Variants in ROBO2 observed in about 807,000 individuals in gnomAD.
The protein encoded by ROBO2 is roundabout homolog 2.
Under a neutral mutation model 160.8 loss-of-function variants are expected in ROBO2, and 53 were observed. The ratio of observed to expected loss-of-function variants is 0.33; its 90% CI spans 0.26 to 0.41. ROBO2 has a LOEUF of 0.41. Ranked by LOEUF, ROBO2 falls within the 10% of genes least tolerant of loss-of-function variation. The pLI, the probability that ROBO2 is intolerant of heterozygous loss-of-function variation, is 1.00. For missense variants in ROBO2, 1,577 were observed against 1,722.4 expected, an observed-to-expected ratio of 0.92 and a Z score of 1.49; for synonymous variants, 664 against 611.7, an observed-to-expected ratio of 1.09 and a Z score of -1.26.
chr3:77,566,125 C>T (rs1188653751), intron 12 of ROBO2, among the ~76,000 whole-genome samples: 3 of 151,972 alleles, frequency 2.0e-5, no homozygotes, highest in Non-Finnish European at 2.9e-5. Context: ...ATTATAATTA[C>T]AATGTAGTTC....
intron 24 of ROBO2, among the ~76,000 whole-genome samples, chr3:77,640,435 C>G (rs1257826085): frequency 6.6e-6 from 1 of 152,144 alleles, no homozygotes; most frequent in Non-Finnish European, 1.5e-5. Flanking sequence ...ATAGGATGAT[C>G]TAGAGCTGAG....
chr3:76,726,300 T>C (rs1376196154), intron 2 of ROBO2, among the ~76,000 whole-genome samples: 1 of 152,154 alleles, frequency 6.6e-6, no homozygotes, highest in South Asian at 2.1e-4. Context: ...TTGTTCTCCA[T>C]ACGCTTCATT....
intron 2 of ROBO2, among the ~76,000 whole-genome samples, chr3:77,339,029 G>A (rs1449525345): frequency 1.3e-5 from 2 of 152,012 alleles, no homozygotes; most frequent in Non-Finnish European, 2.9e-5. Flanking sequence ...ACAACAAACA[G>A]AGCTGCTTTC....
chr3:77,456,555 G>A (rs1474727570), intron 2 of ROBO2, among the ~76,000 whole-genome samples: 1 of 152,096 alleles, frequency 6.6e-6, no homozygotes, highest in Non-Finnish European at 1.5e-5. Flanking sequence ...ATTCAGTGGC[G>A]AATCCAAAAA....
At chr3:76,298,187 C>G (rs1261863730) in intron 2 of ROBO2, among the ~76,000 whole-genome samples, 3 of 152,100 alleles carry the variant, frequency 2.0e-5, no homozygotes, top group Non-Finnish European at 4.4e-5. Context: ...AATGTAGTGA[C>G]TATTCTGTGC....
intron 2 of ROBO2, among the ~76,000 whole-genome samples, chr3:76,576,214 C>A (rs1486609937): frequency 6.6e-6 from 1 of 152,032 alleles, no homozygotes; most frequent in Non-Finnish European, 1.5e-5. Context: ...AATTTCTTAG[C>A]AAACACAAAT....
At chr3:76,510,361 C>T (rs1327456736) in intron 2 of ROBO2, among the ~76,000 whole-genome samples, 1 of 152,146 alleles carries the variant, frequency 6.6e-6, no homozygotes, top group Non-Finnish European at 1.5e-5. Context: ...GAGTGACCAC[C>T]ATATACAACC....
intron 2 of ROBO2, among the ~76,000 whole-genome samples, chr3:76,255,975 C>A (rs1001289746): frequency 6.6e-6 from 1 of 151,820 alleles, no homozygotes; most frequent in Non-Finnish European, 1.5e-5. Context: ...ATATTTGTAT[C>A]ATATGGTATG....
At chr3:75,974,113 A>G (rs1012255106) in intron 2 of ROBO2, among the ~76,000 whole-genome samples, 5 of 151,720 alleles carry the variant, frequency 3.3e-5, no homozygotes, top group African/African-American at 1.2e-4. Flanking sequence ...GCTGAAACTG[A>G]AGGGACATTG....
At chr3:77,631,506 A>C (rs1369376362) in intron 23 of ROBO2, 1 of 152,174 alleles carries the variant, frequency 6.6e-6, no homozygotes, top group Non-Finnish European at 1.5e-5. Context: ...AGGATAAGCA[A>C]TACTTGGTAG....
chr3:77,140,328 C>G (rs944772580), intron 2 of ROBO2, among the ~76,000 whole-genome samples: 1 of 152,042 alleles, frequency 6.6e-6, no homozygotes, highest in Non-Finnish European at 1.5e-5. Flanking sequence ...GAACTAAAAG[C>G]CTGGCTAGGA....
At chr3:77,058,907 C>T (rs1466227556) in intron 1 of ROBO2, among the ~76,000 whole-genome samples, 1 of 152,068 alleles carries the variant, frequency 6.6e-6, no homozygotes, top group Non-Finnish European at 1.5e-5. Context: ...AATTAGTTAG[C>T]ACACAATCAC....
intron 2 of ROBO2, among the ~76,000 whole-genome samples, chr3:76,308,613 T>A (rs553290026): frequency 2.0e-4 from 31 of 152,280 alleles, no homozygotes; most frequent in African/African-American, 7.0e-4. Flanking sequence ...CACTTTTCCT[T>A]CAGATTGTAC....
At chr3:76,133,942 A>C (rs547980803) in intron 2 of ROBO2, among the ~76,000 whole-genome samples, 24 of 152,166 alleles carry the variant, frequency 1.6e-4, no homozygotes, top group African/African-American at 5.8e-4. Flanking sequence ...AGTCCAATCA[A>C]GTTGACACTC....
chr3:77,236,059 C>T (rs980511560), intron 2 of ROBO2, among the ~76,000 whole-genome samples: 1 of 152,182 alleles, frequency 6.6e-6, no homozygotes, highest in Non-Finnish European at 1.5e-5. Flanking sequence ...CCTCAGGAGA[C>T]CCTGAGAACA....
Position 77,401,913 on chromosome 3 carries a change from A to C in ROBO2, c.389-75501A>C, listed in dbSNP as rs182492231. 2.3e-3 allele frequency among the ~76,000 whole-genome samples: 353 copies of C among 152,182 alleles called. 1 individual carries two copies. The highest frequency in any genetic ancestry group is 8.2e-3 in the African/African-American group (342 of 41,530). The stretch of plus-strand genomic sequence containing the variant: ...GTAAAAGCATTCCTGTTTCTCCACA[A>C]TCCTCTCCAGCATCTGTATATACCC... On this transcript the variant is annotated intron_variant, in intron 2 of 25. Transcript: ENST00000461745.
At chr3:76,303,145 C>A (rs564712639) in intron 2 of ROBO2, among the ~76,000 whole-genome samples, 2 of 152,118 alleles carry the variant, frequency 1.3e-5, no homozygotes, top group South Asian at 4.1e-4. Context: ...CAGGTTCAAG[C>A]ATGTTTGATG....
At chr3:77,289,186 G>T (rs2060855576) in intron 2 of ROBO2, among the ~76,000 whole-genome samples, 1 of 152,152 alleles carries the variant, frequency 6.6e-6, no homozygotes, top group Non-Finnish European at 1.5e-5. Flanking sequence ...TGATGTGAGG[G>T]GAGGTGCTTG....
intron 2 of ROBO2, among the ~76,000 whole-genome samples, chr3:76,531,620 CTTTT>C (rs74266991): frequency 1.6e-5 from 2 of 121,844 alleles, no homozygotes; most frequent in Admixed American, 8.2e-5. Context: ...TGTACAGTTT[CTTTT>C]TTTTTTTTTT....
Sources: allele counts gnomAD v4.1 joint callset (sites outside exome capture counted in the v4.1 genomes callset), GRCh38; gene constraint gnomAD v4.1.1; transcripts MANE v1.5; gene names NCBI Gene and HGNC (gene_info 2026-07-23, HGNC 2026-07-21).